The following PLCB4 variants were observed in gnomAD, a reference collection of about 807,000 sequenced individuals.
PLCB4 encodes the protein 1-phosphatidylinositol 4,5-bisphosphate phosphodiesterase beta-4.
PLCB4 carries 77 observed loss-of-function variants against 178.8 expected under a neutral mutation model. The observed-to-expected ratio is 0.43, with a 90% CI of 0.36 to 0.52. The LOEUF (loss-of-function observed/expected upper bound fraction) is 0.52, where lower values mean the gene tolerates loss of function less well. PLCB4 is among the 20% of genes least tolerant of loss of function. The probability of loss-of-function intolerance (pLI) is 0.00; values close to 1 mark genes in which losing one functional copy is unlikely to be tolerated. For synonymous variants in PLCB4, 496 were observed against 490.8 expected, an observed-to-expected ratio of 1.01 and a Z score of -0.14; for missense variants, 1,024 against 1,453.4, an observed-to-expected ratio of 0.70 and a Z score of 4.80.
rs141933894 is a variant in PLCB4 at position 9,258,590 on chromosome 20, C to G, written c.-16+41138C>G. On this transcript the variant is annotated intron_variant, in intron 3 of 39. Coordinates refer to ENST00000378473, the MANE Select transcript of PLCB4 (RefSeq NM_001377142.1). ...ATTAGCCGGGTGTGGTGGCGTGTGC[C>G]TGTAGTCTCAGCTACTCAGGATGCT... Among the ~76,000 whole-genome samples the G allele has an allele frequency of 4.6e-4, 70 of 151,816 alleles. No homozygotes were observed. In the East Asian group the frequency reaches 0.013, roughly 27 times the overall value.
intron 4 of PLCB4, among the ~76,000 whole-genome samples, chr20:9,332,087 C>T (rs1409661751): frequency 1.3e-5 from 2 of 152,158 alleles, no homozygotes; most frequent in South Asian, 2.1e-4. Flanking sequence ...TGCCCACCCC[C>T]CAAGGAAGTT....
chr20:9,110,416 C>T (rs2091532797), intron 2 of PLCB4, among the ~76,000 whole-genome samples: 1 of 152,160 alleles, frequency 6.6e-6, no homozygotes, highest in Non-Finnish European at 1.5e-5. Context: ...TCTATTTACA[C>T]TGTCTTTTGT....
intron 25 of PLCB4, among the ~76,000 whole-genome samples, chr20:9,418,590 A>G (rs2040413454): frequency 6.6e-6 from 1 of 152,092 alleles, no homozygotes; most frequent in Non-Finnish European, 1.5e-5. Flanking sequence ...TAAGTTTTGA[A>G]ATCAAGAAGT....
At chr20:9,327,543 G>A (rs760627273) in intron 4 of PLCB4, among the ~76,000 whole-genome samples, 9 of 152,016 alleles carry the variant, frequency 5.9e-5, no homozygotes, top group Non-Finnish European at 1.0e-4. Flanking sequence ...TTGGGTGGCC[G>A]AGGTGGGTGG....
chr20:9,224,560 C>A (rs1269504001), intron 3 of PLCB4, among the ~76,000 whole-genome samples: 1 of 152,178 alleles, frequency 6.6e-6, no homozygotes, highest in African/African-American at 2.4e-5. Context: ...AATTTTCTAA[C>A]CCCTTACTGG....
chr20:9,397,125 C>T (rs528879759), intron 19 of PLCB4, among the ~76,000 whole-genome samples: 1 of 152,316 alleles, frequency 6.6e-6, no homozygotes, highest in South Asian at 2.1e-4. Flanking sequence ...GATGCCTTCT[C>T]AACTAGGTTT....
chr20:9,171,497 A>G (rs953182234), intron 2 of PLCB4, among the ~76,000 whole-genome samples: 1 of 152,214 alleles, frequency 6.6e-6, no homozygotes, highest in Non-Finnish European at 1.5e-5. Context: ...GACCAGAACA[A>G]CAAGAATCTG....
intron 4 of PLCB4, among the ~76,000 whole-genome samples, chr20:9,311,013 G>A (rs751942858): frequency 6.6e-6 from 1 of 152,174 alleles, no homozygotes; most frequent in African/African-American, 2.4e-5. Context: ...TGTTTCCTAA[G>A]TGATGCTTAA....
intron 24 of PLCB4, among the ~76,000 whole-genome samples, chr20:9,410,228 G>A (rs1309058223): frequency 6.6e-6 from 1 of 152,042 alleles, no homozygotes; most frequent in Non-Finnish European, 1.5e-5. Context: ...TCTGCATGGG[G>A]TCCCCACAGT....
chr20:9,392,987 T>C (rs972798934), intron 17 of PLCB4, among the ~76,000 whole-genome samples: 1 of 152,116 alleles, frequency 6.6e-6, no homozygotes, highest in Non-Finnish European at 1.5e-5. Context: ...CCAGAGGTGA[T>C]AGCATACAGG....
At chr20:9,249,780 G>A (rs1013886201) in intron 3 of PLCB4, among the ~76,000 whole-genome samples, 3 of 152,152 alleles carry the variant, frequency 2.0e-5, no homozygotes, top group South Asian at 2.1e-4. Flanking sequence ...CTATCTCAAC[G>A]TGCTATTATT....
intron 8 of PLCB4, among the ~76,000 whole-genome samples, chr20:9,365,166 A>G (rs2035668599): frequency 6.6e-6 from 1 of 152,220 alleles, no homozygotes; most frequent in Non-Finnish European, 1.5e-5. Flanking sequence ...TTAAATATGA[A>G]TTTTAGATAA....
At chr20:9,288,396 C>T (rs1408814373) in intron 3 of PLCB4, among the ~76,000 whole-genome samples, 1 of 144,572 alleles carries the variant, frequency 6.9e-6, no homozygotes, top group Non-Finnish European at 1.5e-5. Context: ...TTTCCTTTGT[C>T]CTGTAGTTGC....
At chr20:9,324,194 A>G (rs890826762) in intron 4 of PLCB4, among the ~76,000 whole-genome samples, 1 of 151,720 alleles carries the variant, frequency 6.6e-6, no homozygotes, top group Non-Finnish European at 1.5e-5. Context: ...AAAAGAAAGA[A>G]ATTTAAAAAA....
chr20:9,140,994 G>A (rs572549150), intron 2 of PLCB4, among the ~76,000 whole-genome samples: 6 of 152,194 alleles, frequency 3.9e-5, no homozygotes, highest in South Asian at 2.1e-4. Flanking sequence ...GGGGACTGCC[G>A]CTCATCCCCA....
At chr20:9,176,433 G>A (rs2093156283) in intron 2 of PLCB4, among the ~76,000 whole-genome samples, 2 of 152,108 alleles carry the variant, frequency 1.3e-5, no homozygotes, top group African/African-American at 4.8e-5. Flanking sequence ...TTATAAAATG[G>A]TTGAACTATT....
At chr20:9,333,063 G>GT (rs2031929644) in intron 4 of PLCB4, among the ~76,000 whole-genome samples, 2 of 152,292 alleles carry the variant, frequency 1.3e-5, no homozygotes, top group South Asian at 4.1e-4. Flanking sequence ...TCCTTGTTGG[G>GT]TTCTGGGCCT....
chr20:9,146,196 T>C (rs1429873485), intron 2 of PLCB4, among the ~76,000 whole-genome samples: 2 of 152,106 alleles, frequency 1.3e-5, no homozygotes, highest in Admixed American at 6.6e-5. Flanking sequence ...TCTTGAAGAA[T>C]TGTTTCGGTG....
chr20:9,260,247 A>T (rs1329318086), intron 3 of PLCB4, among the ~76,000 whole-genome samples: 3 of 152,170 alleles, frequency 2.0e-5, no homozygotes, highest in Non-Finnish European at 4.4e-5. Flanking sequence ...AAGAAAAAAT[A>T]AATAAAATAC....
Sources: gnomAD v4.1 joint callset for allele counts (sites outside exome capture counted in the v4.1 genomes callset) on GRCh38, gnomAD v4.1.1 for gene constraint, MANE v1.5 for transcripts, NCBI Gene and HGNC (gene_info 2026-07-23, HGNC 2026-07-21) for gene names.